KAZN: variants seen among roughly 807,000 people sequenced by gnomAD.
The protein encoded by KAZN is kazrin, periplakin interacting protein.
A neutral mutation model predicts 87.4 loss-of-function variants in KAZN; 40 were observed. The ratio of observed to expected loss-of-function variants is 0.46; its 90% CI spans 0.36 to 0.60. The LOEUF (loss-of-function observed/expected upper bound fraction) is 0.60, where lower values mean the gene tolerates loss of function less well. Among genes scored for constraint, KAZN ranks in the 20% least tolerant of loss-of-function variants. The pLI, the probability that KAZN is intolerant of heterozygous loss-of-function variation, is 0.00. For missense variants in KAZN, 898 were observed against 1,073.9 expected, an observed-to-expected ratio of 0.84 and a Z score of 2.29; for synonymous variants, 466 against 458.3, an observed-to-expected ratio of 1.02 and a Z score of -0.22.
rs563052167 is a variant in KAZN, at chr1:14,669,514, G to A, written c.226+70291G>A. 5.3e-5 allele frequency among the ~76,000 whole-genome samples: 8 copies of A among 152,282 alleles called. No individual in the cohort carries two copies. In the South Asian group the frequency reaches 1.0e-3, roughly 20 times the overall value. On this transcript the variant is annotated intron_variant, in intron 1 of 14. Transcript: ENST00000376030. ...ATCCCAGCACTTTGTGAAGCTGAGC[G>A]GGGAGGATTGTTTGAGGCCAGGAGT...
chr1:13,893,707 C>T lies in KAZN; in HGVS notation c.42C>T (p.Pro14=), dbSNP rs768146896. 1.7e-5 allele frequency: 27 copies of T among 1,550,390 alleles called. No homozygotes were observed. In the Admixed American group the frequency reaches 4.3e-4, roughly 25 times the overall value. The change falls in exon 1 of 17, where the codon CCC becomes CCT. Residue 14 remains proline (P), a synonymous_variant. Coordinates refer to the KAZN transcript ENST00000636203. ...CGACATCCAATTCTGCCACAGGCCC[C>T]GTCACCTTCTCCCACGTCTTTGGTC...
intron 3 of KAZN, among the ~76,000 whole-genome samples, chr1:15,039,539 A>G (rs1274284636): frequency 6.6e-6 from 1 of 152,138 alleles, no homozygotes; most frequent in Non-Finnish European, 1.5e-5. Flanking sequence ...CCAAACTAGC[A>G]TTTCATACCA....
chr1:14,591,402 G>A (rs933228325), intron 2 of KAZN, among the ~76,000 whole-genome samples: 11 of 144,782 alleles, frequency 7.6e-5, no homozygotes, highest in Admixed American at 4.2e-4. Context: ...GTAAGGCCCC[G>A]AACAGGGAAA....
chr1:14,954,357 T>C (rs375105677), intron 1 of KAZN, among the ~76,000 whole-genome samples: 2 of 152,218 alleles, frequency 1.3e-5, no homozygotes, highest in African/African-American at 4.8e-5. Context: ...CAGGAGAGTT[T>C]TTTGTCCTTG....
chr1:14,814,066 C>T lies in KAZN; in HGVS notation c.227-146618C>T, dbSNP rs117226442. ...CTCTGTCAATGGGTGATGCCAGCAT[C>T]GTCAGCCATTGTGGAGCACATCTGA... On this transcript the variant is annotated intron_variant, in intron 1 of 14. Transcript: ENST00000376030. 8.8e-4 allele frequency among the ~76,000 whole-genome samples: 134 copies of T among 152,286 alleles called. 1 individual carries two copies. The East Asian group carries it at 0.025, about 29-fold the overall frequency.
chr1:14,708,712 G>T (rs1230059952), intron 1 of KAZN, among the ~76,000 whole-genome samples: 1 of 152,212 alleles, frequency 6.6e-6, no homozygotes, highest in Non-Finnish European at 1.5e-5. Flanking sequence ...GCAATCAAGA[G>T]CAGCTAATTC....
intron 2 of KAZN, among the ~76,000 whole-genome samples, chr1:15,025,674 A>G (rs958156888): frequency 6.6e-6 from 1 of 152,192 alleles, no homozygotes; most frequent in Non-Finnish European, 1.5e-5. Context: ...CTAACTTTCC[A>G]GGGTGCACTT....
At chr1:14,046,530 G>A (rs1212897106) in intron 1 of KAZN, among the ~76,000 whole-genome samples, 1 of 152,176 alleles carries the variant, frequency 6.6e-6, no homozygotes, top group Non-Finnish European at 1.5e-5. Context: ...GCTGGCTTTT[G>A]ACACAAAACA....
intron 2 of KAZN, among the ~76,000 whole-genome samples, chr1:14,538,069 G>A (rs991945239): frequency 3.3e-5 from 5 of 152,144 alleles, no homozygotes; most frequent in Non-Finnish European, 5.9e-5. Flanking sequence ...ATTCATTGAT[G>A]ACCGGCCAAG....
At chr1:14,989,225 C>A (rs1442572964) in intron 2 of KAZN, among the ~76,000 whole-genome samples, 2 of 152,212 alleles carry the variant, frequency 1.3e-5, no homozygotes, top group Non-Finnish European at 2.9e-5. Flanking sequence ...CCTGTAATCC[C>A]AGCACTTTGG....
intron 8 of KAZN, among the ~76,000 whole-genome samples, chr1:15,069,452 C>T (rs1639410163): frequency 6.6e-6 from 1 of 152,182 alleles, no homozygotes; most frequent in Non-Finnish European, 1.5e-5. Context: ...CCAGGCCATA[C>T]CTTATTTGGG....
At chr1:14,120,830 A>G (rs1436315956) in intron 1 of KAZN, among the ~76,000 whole-genome samples, 4 of 152,154 alleles carry the variant, frequency 2.6e-5, no homozygotes, top group Admixed American at 2.0e-4. Flanking sequence ...CCTCTGACTT[A>G]GGGAGAATTT....
At chr1:14,471,617 C>T (rs186947093) in intron 2 of KAZN, among the ~76,000 whole-genome samples, 17 of 152,192 alleles carry the variant, frequency 1.1e-4, no homozygotes, top group Middle Eastern at 3.2e-3. Flanking sequence ...TACCCAAGTA[C>T]GTGCCAGGGA....
intron 1 of KAZN, among the ~76,000 whole-genome samples, chr1:14,705,721 TA>T (rs1557902892): frequency 6.6e-6 from 1 of 152,084 alleles, no homozygotes; most frequent in Non-Finnish European, 1.5e-5. Context: ...GTGTGGAAGC[TA>T]AAAAAGTTTA....
intron 1 of KAZN, among the ~76,000 whole-genome samples, chr1:14,840,445 G>A (rs977652295): frequency 3.2e-4 from 49 of 152,174 alleles, no homozygotes; most frequent in African/African-American, 1.2e-3. Context: ...GAGACATTTC[G>A]CAAGCACATT....
intron 1 of KAZN, among the ~76,000 whole-genome samples, chr1:14,710,014 C>T (rs768707896): frequency 6.6e-5 from 10 of 152,122 alleles, no homozygotes; most frequent in African/African-American, 9.7e-5. Flanking sequence ...ACGTGTCATA[C>T]GCCGTCACAT....
At chr1:14,383,631 T>C (rs558307346) in intron 2 of KAZN, among the ~76,000 whole-genome samples, 1 of 152,178 alleles carries the variant, frequency 6.6e-6, no homozygotes, top group East Asian at 1.9e-4. Context: ...GTTGTAGATA[T>C]GCGGCATTAT....
intron 1 of KAZN, among the ~76,000 whole-genome samples, chr1:14,930,440 A>G (rs1278006642): frequency 6.6e-6 from 1 of 152,204 alleles, no homozygotes; most frequent in African/African-American, 2.4e-5. Context: ...CCTCAGCAGC[A>G]TGTTCCTGAC....
At chr1:14,803,133 C>A (rs1646094053) in intron 1 of KAZN, among the ~76,000 whole-genome samples, 1 of 152,122 alleles carries the variant, frequency 6.6e-6, no homozygotes, top group African/African-American at 2.4e-5. Flanking sequence ...ACTGAGGGCT[C>A]CTTATAAGAC....
Sources: gnomAD v4.1 joint callset for allele counts (sites outside exome capture counted in the v4.1 genomes callset) on GRCh38, gnomAD v4.1.1 for gene constraint, MANE v1.5 for transcripts, NCBI Gene and HGNC (gene_info 2026-07-23, HGNC 2026-07-21) for gene names.